The following DLC1 variants were observed in gnomAD, a reference collection of about 807,000 sequenced individuals.
The protein encoded by DLC1 is DLC1 Rho GTPase activating protein.
DLC1 carries 54 observed loss-of-function variants against 140.3 expected under a neutral mutation model. That is an observed-to-expected ratio of 0.38 (90% CI 0.31 to 0.48). DLC1 has a LOEUF of 0.48. DLC1 is among the 20% of genes least tolerant of loss of function. DLC1 has a pLI of 0.96. For synonymous variants in DLC1, 986 were observed against 728.1 expected (o/e 1.35, Z -5.70); for missense variants, 2,536 against 1,907.0 (o/e 1.33, Z -6.14).
At chr8:13,463,591 C>G (rs1393642809) in intron 2 of DLC1, among the ~76,000 whole-genome samples, 1 of 152,116 alleles carries the variant, frequency 6.6e-6, no homozygotes, top group Non-Finnish European at 1.5e-5. Flanking sequence ...GTAAAGATTT[C>G]TCATAAAATA....
At position 13,088,630 on chromosome 8, in the gene DLC1, C is replaced by G. The variant is rs745461610; in HGVS notation, c.4149G>C (p.Lys1383Asn). Residue 1383 changes from lysine (K) to asparagine (N), a missense_variant, in exon 16 of 18, where the codon AAG becomes AAC. Coordinates refer to ENST00000276297, the MANE Select transcript of DLC1 (RefSeq NM_182643.3). ...AGAGGTGCTGTTCTTTAAGTAGGCG[C>G]TTTAAGATTTCCTCTGGCACAGCAG... The part of the protein sequence containing the change: ...EVPAVPEEIL[K>N]RLLKEQHLWD... 3 of 1,614,158 alleles carry G rather than the reference C, an allele frequency of 1.9e-6. 1 individual carries two copies. Among genetic ancestry groups the G allele is most frequent in the Non-Finnish European group, 2.5e-6 (3 of 1,180,036 alleles).
At chr8:13,428,440 C>T (rs1164178463) in intron 2 of DLC1, among the ~76,000 whole-genome samples, 1 of 152,138 alleles carries the variant, frequency 6.6e-6, no homozygotes, top group East Asian at 1.9e-4. Context: ...TAAGTTTTTA[C>T]TGAATCATTA....
chr8:13,155,508 G>A (rs60984647), intron 5 of DLC1, among the ~76,000 whole-genome samples: 1,828 of 152,096 alleles, frequency 0.012, 33 homozygotes, highest in African/African-American at 0.041. Context: ...GTTCACCAAA[G>A]TAGGTATCTT....
At chr8:13,497,119 T>C (rs1002558736) in intron 2 of DLC1, among the ~76,000 whole-genome samples, 3 of 152,120 alleles carry the variant, frequency 2.0e-5, no homozygotes, top group Admixed American at 6.6e-5. Flanking sequence ...TCTTTATTGA[T>C]GCAAATGTAG....
At chr8:13,316,723 C>G (rs905681478) in intron 4 of DLC1, among the ~76,000 whole-genome samples, 1 of 152,140 alleles carries the variant, frequency 6.6e-6, no homozygotes, top group Admixed American at 6.6e-5. Context: ...TGCAGATTTT[C>G]TCCTCTCTGG....
chr8:13,128,514 G>C (rs910639439), intron 5 of DLC1, among the ~76,000 whole-genome samples: 1 of 152,188 alleles, frequency 6.6e-6, no homozygotes, highest in Non-Finnish European at 1.5e-5. Context: ...GAGAAGTCTC[G>C]TTGCTGCCTG....
chr8:13,412,576 C>T (rs1307658717), intron 2 of DLC1, among the ~76,000 whole-genome samples: 3 of 152,182 alleles, frequency 2.0e-5, no homozygotes, highest in East Asian at 1.9e-4. Flanking sequence ...TAGTTGCATA[C>T]GATGACGCAG....
chr8:13,426,606 C>T (rs1299478634), intron 2 of DLC1, among the ~76,000 whole-genome samples: 1 of 152,132 alleles, frequency 6.6e-6, no homozygotes, highest in African/African-American at 2.4e-5. Flanking sequence ...TGAGAATTGA[C>T]ACCATCAAAA....
At chr8:13,415,461 G>A (rs191743286) in intron 2 of DLC1, among the ~76,000 whole-genome samples, 29 of 149,802 alleles carry the variant, frequency 1.9e-4, no homozygotes, top group Middle Eastern at 3.4e-3. Flanking sequence ...GTGTAGTAGC[G>A]CGACCATGGC....
intron 1 of DLC1, among the ~76,000 whole-genome samples, chr8:13,580,970 C>G (rs986317999): frequency 1.3e-5 from 2 of 152,182 alleles, no homozygotes; most frequent in Admixed American, 1.3e-4. Flanking sequence ...CAGTACTGAA[C>G]TAAGGGGTAC....
intron 5 of DLC1, among the ~76,000 whole-genome samples, chr8:13,238,881 C>T (rs1011215765): frequency 2.6e-5 from 4 of 152,156 alleles, no homozygotes; most frequent in Non-Finnish European, 5.9e-5. Context: ...AGAAGCTGAG[C>T]AAGCATTTGC....
intron 3 of DLC1, among the ~76,000 whole-genome samples, chr8:13,396,835 C>T (rs1837065239): frequency 6.6e-6 from 1 of 152,192 alleles, no homozygotes; most frequent in Non-Finnish European, 1.5e-5. Context: ...AAATCTCTCA[C>T]ATCCGCTCCC....
chr8:13,191,525 G>C (rs1345329568), intron 5 of DLC1, among the ~76,000 whole-genome samples: 1 of 152,200 alleles, frequency 6.6e-6, no homozygotes, highest in African/African-American at 2.4e-5. Context: ...TTAACGACCA[G>C]AACAGTAAGG....
chr8:13,186,583 A>G (rs371787349), intron 5 of DLC1, among the ~76,000 whole-genome samples: 1 of 152,076 alleles, frequency 6.6e-6, no homozygotes, highest in African/African-American at 2.4e-5. Flanking sequence ...TTTCCTTGCA[A>G]TGGGTTTGAA....
intron 4 of DLC1, among the ~76,000 whole-genome samples, chr8:13,365,395 T>G (rs1487019238): frequency 1.4e-4 from 22 of 152,162 alleles, no homozygotes; most frequent in Admixed American, 1.4e-3. Flanking sequence ...AAGGAGGAAC[T>G]ACTGGCCTCA....
intron 1 of DLC1, among the ~76,000 whole-genome samples, chr8:13,559,644 C>G (rs1463337698): frequency 6.6e-6 from 1 of 152,126 alleles, no homozygotes; most frequent in Admixed American, 6.5e-5. Context: ...TGCAAAGATG[C>G]TGAGTAGTGG....
At chr8:13,510,073 C>T (rs1216882933) in intron 1 of DLC1, among the ~76,000 whole-genome samples, 3 of 152,022 alleles carry the variant, frequency 2.0e-5, no homozygotes, top group African/African-American at 4.8e-5. Flanking sequence ...GAATCCAGGG[C>T]TGAGTATGAG....
In DLC1 at chr8:13,086,549, T is replaced by C. The variant is rs1188532643; in HGVS notation, c.4293-86A>G. The C allele has an allele frequency of 4.7e-6, 7 of 1,502,532 alleles. No individual in the cohort carries two copies. In the East Asian group the frequency reaches 1.4e-4, roughly 30 times the overall value. The allele number at this position is 1,502,532 out of a possible 1,614,324, so 93.1% of individuals were successfully genotyped here. On this transcript the variant is annotated intron_variant, in intron 16 of 17. Coordinates refer to ENST00000276297, the MANE Select transcript of DLC1 (RefSeq NM_182643.3). Reference sequence around the variant, plus strand: ...GTGCTTCACTCTTCACTATTTGCAGTGTGGTGACGGGTCAGGCTCAGTGGC... The same window carrying C: ...GTGCTTCACTCTTCACTATTTGCAGCGTGGTGACGGGTCAGGCTCAGTGGC...
At chr8:13,459,885 T>G (rs747753161) in intron 2 of DLC1, among the ~76,000 whole-genome samples, 1 of 152,228 alleles carries the variant, frequency 6.6e-6, no homozygotes, top group Non-Finnish European at 1.5e-5. Flanking sequence ...ATTTTATGAG[T>G]AGGAGGGTGG....
Sources: gnomAD v4.1 joint callset for allele counts (sites outside exome capture counted in the v4.1 genomes callset) on GRCh38, gnomAD v4.1.1 for gene constraint, MANE v1.5 for transcripts, NCBI Gene and HGNC (gene_info 2026-07-23, HGNC 2026-07-21) for gene names.